The following HEATR6 variants were observed in gnomAD, a reference collection of about 807,000 sequenced individuals.
The protein encoded by HEATR6 is HEAT repeat-containing protein 6.
Under a neutral mutation model 132.8 loss-of-function variants are expected in HEATR6, and 106 were observed. The ratio of observed to expected loss-of-function variants is 0.80; its 90% CI spans 0.68 to 0.94. The LOEUF (loss-of-function observed/expected upper bound fraction) is 0.94. Among genes scored for constraint, HEATR6 ranks in the 40% least tolerant of loss-of-function variants. The pLI is 0.00. For synonymous variants in HEATR6, 529 were observed against 537.8 expected (o/e 0.98, Z 0.23); for missense variants, 1,339 against 1,425.1 (o/e 0.94, Z 0.97).
chr17:60,053,912 C>G (rs1044546717), intron 14 of HEATR6, among the ~76,000 whole-genome samples: 2 of 152,228 alleles, frequency 1.3e-5, no homozygotes, highest in Non-Finnish European at 2.9e-5. Flanking sequence ...AACTTGCACC[C>G]TGGCCCTGTA....
intron 4 of HEATR6, among the ~76,000 whole-genome samples, chr17:60,072,623 G>A (rs345198): frequency 5.3e-5 from 8 of 152,124 alleles, no homozygotes; most frequent in African/African-American, 1.9e-4. Context: ...TCAGTCCTAG[G>A]AGGGAAATAA....
At chr17:60,049,150 T>TGTGTGTGTGTGC (rs1308063020) in intron 16 of HEATR6, among the ~76,000 whole-genome samples, 2 of 149,776 alleles carry the variant, frequency 1.3e-5, no homozygotes, top group African/African-American at 5.0e-5. Context: ...TGTGTGTGTG[T>TGTGTGTGTGTGC]GTGTGTCTGG....
rs1906280744 is a variant in HEATR6, at chr17:60,044,057, T to C, written c.3052A>G (p.Ile1018Val). Reference sequence around the variant, plus strand: ...ACGGAAAGGGCAGCTGCAGATCTGATGCGCACTTTGAAGTTCTTGCATGAT... The same window carrying C: ...ACGGAAAGGGCAGCTGCAGATCTGACGCGCACTTTGAAGTTCTTGCATGAT... ...VTSCKNFKVR[I>V]RSAAALSVPG... Residue 1018 changes from isoleucine (I) to valine (V), a missense_variant, in exon 20 of 20, where the codon ATC (isoleucine) becomes GTC (valine). By Grantham distance (29) the Ile-to-Val change is conservative. Transcript: ENST00000184956. 6.2e-7 allele frequency: 1 copy of C among 1,614,196 alleles called. No individual in the cohort carries two copies. Among genetic ancestry groups the C allele is most frequent in the Non-Finnish European group, 8.5e-7 (1 of 1,180,048 alleles).
chr17:60,048,443 T>C, intron 16 of HEATR6, 55 bp from the exon 17 acceptor site: 1 of 1,500,684 alleles, frequency 6.7e-7, no homozygotes, highest in Non-Finnish European at 9.0e-7. Context: ...CTGCTACCTT[T>C]GAAATTCTCA....
At chr17:60,072,890 T>C (rs1039733531) in intron 4 of HEATR6, among the ~76,000 whole-genome samples, 2 of 152,218 alleles carry the variant, frequency 1.3e-5, no homozygotes, top group Non-Finnish European at 2.9e-5. Context: ...GCTTAGAATT[T>C]ATATCAATAG....
chr17:60,060,991 T>C (rs1041545721), intron 9 of HEATR6, among the ~76,000 whole-genome samples: 5 of 152,178 alleles, frequency 3.3e-5, no homozygotes. Context: ...CAGATGATTT[T>C]GTAGTATTAG....
At chr17:60,056,337 G>T in intron 12 of HEATR6, 100 bp from the exon 13 acceptor site, 1 of 1,119,870 alleles carries the variant, frequency 8.9e-7, no homozygotes, top group South Asian at 1.7e-5. Flanking sequence ...ACATTTAACA[G>T]GGGCTGAAAT....
At position 60,078,176 on chromosome 17, in the gene HEATR6, ATTAC is replaced by A. The variant is rs143672393; in HGVS notation, c.219+516_219+519del. ...TAATTTAAGGCCTGATGTGTGTAAG[ATTAC>A]TCAGAAAGACGGCAGAGGGGAGGAG... On this transcript the variant is annotated intron_variant, in intron 1 of 19. Coordinates refer to ENST00000184956, the MANE Select transcript of HEATR6 (RefSeq NM_022070.5). Among the ~76,000 whole-genome samples, 744 of 152,292 alleles carry A rather than the reference ATTAC, an allele frequency of 4.9e-3. 5 individuals carry two copies. Among genetic ancestry groups the A allele is most frequent in the African/African-American group, 0.017 (698 of 41,552 alleles).
Position 60,067,494 on chromosome 17 carries a change from C to G in HEATR6, c.1178G>C (p.Arg393Thr). Residue 393 changes from arginine to threonine, a missense_variant, in exon 8 of 20, where the codon AGG becomes ACG. By Grantham distance (71) the Arg-to-Thr change is moderately conservative (BLOSUM62 -1). Transcript: ENST00000184956. ...SSSFSSSSWKRVSSSESDFSD... is the reference protein window; with the variant it reads ...SSSFSSSSWKTVSSSESDFSD... ...AAAGTCTGACTCACTACTGCTGACC[C>G]TTTTCCAACTGGAAGAACTGAAGGA... 1 of 1,605,732 alleles carries G rather than the reference C, an allele frequency of 6.2e-7. No homozygotes were observed. Among genetic ancestry groups the G allele is most frequent in the Non-Finnish European group, 8.5e-7 (1 of 1,176,986 alleles).
Position 60,054,512 on chromosome 17 carries a change from C to G in HEATR6, c.2289+1003G>C, listed in dbSNP as rs779790715. ...GCCAGAAGGGCAAGGCTGCCAGAAGCCTTGGAAGCCCACCCCTTGCACCAG... is the reference window on the plus strand; with the variant it reads ...GCCAGAAGGGCAAGGCTGCCAGAAGGCTTGGAAGCCCACCCCTTGCACCAG... On this transcript the variant is annotated intron_variant, in intron 14 of 19. Transcript: ENST00000184956. Among the ~76,000 whole-genome samples the G allele has an allele frequency of 2.6e-5, 4 of 152,264 alleles. 1 individual carries two copies. The highest frequency in any genetic ancestry group is 2.6e-4 in the Admixed American group (4 of 15,290).
chr17:60,069,675 A>G (rs1303277913), intron 7 of HEATR6, 36 bp downstream of exon 7: 8 of 1,594,230 alleles, frequency 5.0e-6, no homozygotes, highest in Non-Finnish European at 6.9e-6. Context: ...TATTAAAAAT[A>G]AGCCACAACT....
At chr17:60,047,216 C>A in intron 18 of HEATR6, 93 bp downstream of exon 18, 1 of 792,326 alleles carries the variant, frequency 1.3e-6, no homozygotes, top group Non-Finnish European at 2.1e-6. Context: ...GTGGGACAGT[C>A]TGAGGAACAT....
Position 60,043,935 on chromosome 17 carries a change from G to A in HEATR6, c.3174C>T (p.Asp1058=). The change falls in exon 20 of 20, where the codon GAC becomes GAT. Residue 1058 remains aspartate, a synonymous_variant. Transcript: ENST00000184956. Reference sequence around the variant, plus strand: ...TGACACAGTACTTGAATTCCAAAAAGTCTATGGTGTCTTCACTCTTCTGTA... The same window carrying A: ...TGACACAGTACTTGAATTCCAAAAAATCTATGGTGTCTTCACTCTTCTGTA... The part of the protein sequence containing the change: ...TALQKSEDTI[D]FLEFKYCVSL... The A allele has an allele frequency of 6.2e-7, 1 of 1,614,090 alleles. No individual in the cohort carries two copies. The highest frequency in any genetic ancestry group is 1.1e-5 in the South Asian group (1 of 91,076).
Position 60,046,177 on chromosome 17 carries a change from G to A in HEATR6, c.2822C>T (p.Pro941Leu), listed in dbSNP as rs766891804. 4 of 1,613,828 alleles carry A rather than the reference G, an allele frequency of 2.5e-6. No homozygotes were observed. The highest frequency in any genetic ancestry group is 1.3e-5 in the African/African-American group (1 of 75,002). ...ALGNLLHFLQ[P>L]SHIEKPTFAE... ...AAATGTGGGTTTTTCTATATGAGAGGGTTGCAGAAAATGAAGCAAATTTCC... is the reference window on the plus strand; with the variant it reads ...AAATGTGGGTTTTTCTATATGAGAGAGTTGCAGAAAATGAAGCAAATTTCC... Residue 941 changes from proline to leucine, a missense_variant, in exon 19 of 20, where the codon CCC (proline) becomes CTC (leucine). Transcript: ENST00000184956.
Position 60,059,427 on chromosome 17 carries a change from T to C in HEATR6, c.1718A>G (p.His573Arg), listed in dbSNP as rs1446096594. 3.1e-6 allele frequency: 5 copies of C among 1,606,042 alleles called. No individual in the cohort carries two copies. In the African/African-American group the frequency reaches 5.4e-5, roughly 17 times the overall value. The change falls in exon 11 of 20, where the codon CAC (histidine) becomes CGC (arginine). Residue 573 changes from histidine to arginine, a missense_variant. By Grantham distance (29) the His-to-Arg change is conservative (BLOSUM62 0). Coordinates refer to ENST00000184956, the MANE Select transcript of HEATR6 (RefSeq NM_022070.5). Reference sequence around the variant, plus strand: ...AGTTTTAAGCCACTACAAACCTTTGTGGCGAATATAAGGCTTTATCTGGTT... The same window carrying C: ...AGTTTTAAGCCACTACAAACCTTTGCGGCGAATATAAGGCTTTATCTGGTT... ...VWNQIKPYIR[H>R]KDVNVRVSSL...
In HEATR6 at chr17:60,050,906, A is replaced by G; in HGVS notation, c.2361T>C (p.Thr787=). The part of the protein sequence containing the change: ...PRALQNSEHP[T]LQASACDALS... The stretch of plus-strand genomic sequence containing the variant: ...GGGCATCACAGGCGCTCGCCTGGAG[A>G]GTTGGGTGTTCTGAATTCTGCAGGG... The change falls in exon 15 of 20, where the codon ACT becomes ACC. Residue 787 remains threonine, a synonymous_variant. Transcript: ENST00000184956. 6.2e-7 allele frequency: 1 copy of G among 1,614,144 alleles called. No individual in the cohort carries two copies. The highest frequency in any genetic ancestry group is 8.5e-7 in the Non-Finnish European group (1 of 1,180,018).
intron 11 of HEATR6, 65 bp from the exon 12 acceptor site, chr17:60,057,468 C>A (rs1906783519): frequency 1.9e-6 from 2 of 1,074,506 alleles, no homozygotes; most frequent in African/African-American, 1.6e-5. Flanking sequence ...GGTAGTTATC[C>A]CAGCAGGCAA....
At chr17:60,053,601 T>C (rs971608791) in intron 14 of HEATR6, among the ~76,000 whole-genome samples, 2 of 152,202 alleles carry the variant, frequency 1.3e-5, no homozygotes, top group Admixed American at 1.3e-4. Context: ...GATAGAAATA[T>C]GGAGAGTGAA....
At chr17:60,045,887 C>T (rs1906348126) in intron 19 of HEATR6, 138 bp downstream of exon 19, 5 of 634,942 alleles carry the variant, frequency 7.9e-6, no homozygotes, top group Non-Finnish European at 1.4e-5. Context: ...CAATGTCCCC[C>T]TAAACTTGTC....
Sources: gnomAD v4.1 joint callset for allele counts (sites outside exome capture counted in the v4.1 genomes callset) on GRCh38, gnomAD v4.1.1 for gene constraint, MANE v1.5 for transcripts, NCBI Gene and HGNC (gene_info 2026-07-23, HGNC 2026-07-21) for gene names.